Variants in NKAIN2 observed in about 807,000 individuals in gnomAD.
NKAIN2 encodes sodium/potassium transporting ATPase interacting 2.
Under a neutral mutation model 32.6 loss-of-function variants are expected in NKAIN2, and 14 were observed. The observed-to-expected ratio is 0.43, with a 90% CI of 0.28 to 0.67. The LOEUF is 0.67. NKAIN2 is among the 30% of genes least tolerant of loss of function. The probability of loss-of-function intolerance (pLI) is 0.17; values close to 1 mark genes in which losing one functional copy is unlikely to be tolerated. For synonymous variants in NKAIN2, 80 were observed against 87.2 expected, an observed-to-expected ratio of 0.92 and a Z score of 0.46; for missense variants, 198 against 258.3, an observed-to-expected ratio of 0.77 and a Z score of 1.60.
chr6:124,463,794 G>T (rs148778313), intron 3 of NKAIN2, among the ~76,000 whole-genome samples: 333 of 152,088 alleles, frequency 2.2e-3, no homozygotes, highest in African/African-American at 7.7e-3. Context: ...TTTTTATTGC[G>T]ATTTAAGATG....
rs1773113962 is a variant in NKAIN2 at position 123,804,142 on chromosome 6, T to A, written c.-59T>A. On this transcript the variant is annotated 5_prime_UTR_variant, in exon 1 of 7. Coordinates refer to ENST00000368417, the MANE Select transcript of NKAIN2 (RefSeq NM_001040214.3). Reference sequence around the variant, plus strand: ...TTCCCCGCGATCTGATTGGATAAAGTGGGGGCTCGACGGTGGCCGACGTGG... The same window carrying A: ...TTCCCCGCGATCTGATTGGATAAAGAGGGGGCTCGACGGTGGCCGACGTGG... 22 of 1,481,246 alleles carry A rather than the reference T, an allele frequency of 1.5e-5. No individual in the cohort carries two copies. In the South Asian group the frequency reaches 2.3e-4, roughly 15 times the overall value. 91.8% of individuals were successfully genotyped at this position (1,481,246 alleles called of 1,614,324 possible). A position where few individuals can be genotyped will look rare whatever the true frequency, so the allele number is the denominator to read the frequency against.
chr6:124,713,273 C>T (rs986720439), intron 4 of NKAIN2, among the ~76,000 whole-genome samples: 2 of 152,152 alleles, frequency 1.3e-5, no homozygotes, highest in South Asian at 2.1e-4. Flanking sequence ...AGCAAATATT[C>T]GAATCCATAA....
At chr6:124,555,097 C>T (rs1780425010) in intron 3 of NKAIN2, among the ~76,000 whole-genome samples, 2 of 152,236 alleles carry the variant, frequency 1.3e-5, no homozygotes, top group Admixed American at 1.3e-4. Context: ...GGCAGGACCT[C>T]TAGCATGTTT....
At chr6:124,032,851 A>G (rs1781462350) in intron 1 of NKAIN2, among the ~76,000 whole-genome samples, 1 of 152,138 alleles carries the variant, frequency 6.6e-6, no homozygotes, top group Non-Finnish European at 1.5e-5. Flanking sequence ...AATGAAGGCC[A>G]TATAGGAATA....
chr6:124,595,691 C>G (rs1369363583), intron 3 of NKAIN2, among the ~76,000 whole-genome samples: 1 of 152,086 alleles, frequency 6.6e-6, no homozygotes, highest in African/African-American at 2.4e-5. Context: ...GGGAACTCAG[C>G]TTCTAATAAA....
chr6:123,979,104 TAAG>T (rs1365738917), intron 1 of NKAIN2, among the ~76,000 whole-genome samples: 6 of 152,178 alleles, frequency 3.9e-5, no homozygotes, highest in Non-Finnish European at 8.8e-5. Flanking sequence ...TATTATCAAA[TAAG>T]AAGTTCATTT....
chr6:123,947,571 A>T (rs1463056031), intron 1 of NKAIN2, among the ~76,000 whole-genome samples: 1 of 152,124 alleles, frequency 6.6e-6, no homozygotes, highest in Admixed American at 6.6e-5. Context: ...TTTAAGCCAT[A>T]GCCAGAGAAC....
At chr6:123,836,354 A>G (rs1192027531) in intron 1 of NKAIN2, among the ~76,000 whole-genome samples, 1 of 152,154 alleles carries the variant, frequency 6.6e-6, no homozygotes, top group Non-Finnish European at 1.5e-5. Flanking sequence ...ACAAAGATTA[A>G]TATTACCACG....
intron 1 of NKAIN2, among the ~76,000 whole-genome samples, chr6:124,105,388 G>A (rs1482613585): frequency 3.3e-5 from 5 of 152,198 alleles, no homozygotes; most frequent in East Asian, 1.9e-4. Context: ...AGAGGAGAGC[G>A]CCAGCCTCAG....
At chr6:124,032,565 G>A (rs1409831969) in intron 1 of NKAIN2, among the ~76,000 whole-genome samples, 2 of 151,874 alleles carry the variant, frequency 1.3e-5, no homozygotes, top group African/African-American at 4.8e-5. Flanking sequence ...ATTTGATAAA[G>A]GTAAGTAGAC....
chr6:124,706,015 A>C (rs966231845), intron 4 of NKAIN2, among the ~76,000 whole-genome samples: 3 of 152,046 alleles, frequency 2.0e-5, no homozygotes, highest in African/African-American at 7.2e-5. Flanking sequence ...AACAAAGAGA[A>C]GGTTATCATG....
chr6:124,371,451 T>C (rs1183637983), intron 3 of NKAIN2, among the ~76,000 whole-genome samples: 1 of 152,018 alleles, frequency 6.6e-6, no homozygotes. Context: ...CCCAGCACTT[T>C]GGGAGGCCAA....
At chr6:124,602,190 G>T (rs756305984) in intron 3 of NKAIN2, among the ~76,000 whole-genome samples, 11 of 151,890 alleles carry the variant, frequency 7.2e-5, no homozygotes, top group Non-Finnish European at 1.5e-4. Flanking sequence ...GTTTTACATG[G>T]CCTCAATTGG....
rs1554251784 is a variant in NKAIN2 at position 124,687,743 on chromosome 6, T to TATATACAC, written c.474+29358_474+29359insTATACACA. ...ATATAATATAAATATATATGATATATACACACACACACACACACACACACA... is the reference window on the plus strand; with the variant it reads ...ATATAATATAAATATATATGATATATATATACACACACACACACACACACACACACACA... On this transcript the variant is annotated intron_variant, in intron 4 of 6. Transcript: ENST00000368417. 3.4e-3 allele frequency among the ~76,000 whole-genome samples: 356 copies of TATATACAC among 104,364 alleles called. 3 individuals carry two copies. The highest frequency in any genetic ancestry group is 0.012 in the African/African-American group (333 of 27,188). The allele number at this position is 104,364 out of a possible 152,430, so 68.5% of individuals were successfully genotyped here.
intron 1 of NKAIN2, among the ~76,000 whole-genome samples, chr6:124,111,779 T>A (rs973017774): frequency 1.3e-5 from 2 of 151,448 alleles, no homozygotes; most frequent in East Asian, 3.9e-4. Context: ...TTTGTTGGGG[T>A]TTTTTTTGGT....
intron 5 of NKAIN2, among the ~76,000 whole-genome samples, chr6:124,809,154 A>G (rs1277733205): frequency 6.6e-6 from 1 of 152,168 alleles, no homozygotes; most frequent in African/African-American, 2.4e-5. Flanking sequence ...CATGGAACCA[A>G]AAAAGAGCCT....
intron 1 of NKAIN2, among the ~76,000 whole-genome samples, chr6:124,248,303 T>C (rs545768644): frequency 3.6e-4 from 55 of 152,200 alleles, no homozygotes; most frequent in Middle Eastern, 3.4e-3. Context: ...TTAAATGTGA[T>C]GTCTTGGAAA....
intron 3 of NKAIN2, among the ~76,000 whole-genome samples, chr6:124,557,092 T>C (rs1417458271): frequency 6.6e-6 from 1 of 152,194 alleles, no homozygotes; most frequent in Non-Finnish European, 1.5e-5. Context: ...GTCAATGCAA[T>C]GTGCCTATTA....
At position 124,423,594 on chromosome 6, in the gene NKAIN2, C is replaced by A. The variant is rs972308519; in HGVS notation, c.273+68247C>A. On this transcript the variant is annotated intron_variant, in intron 3 of 6. Coordinates refer to ENST00000368417, the MANE Select transcript of NKAIN2 (RefSeq NM_001040214.3). ...GCATATGTTGAAACTTAATAGCCAA[C>A]ATGATACTATTAAGTGGTGGAAACT... is the stretch of plus-strand genomic sequence containing the variant. Among the ~76,000 whole-genome samples, 3 of 152,174 alleles carry A rather than the reference C, an allele frequency of 2.0e-5. No homozygotes were observed. The South Asian group carries it at 6.2e-4, about 32-fold the overall frequency.
Sources: gnomAD v4.1 joint callset for allele counts (sites outside exome capture counted in the v4.1 genomes callset) on GRCh38, gnomAD v4.1.1 for gene constraint, MANE v1.5 for transcripts, NCBI Gene and HGNC (gene_info 2026-07-23, HGNC 2026-07-21) for gene names.